Variants in DCBLD2 observed in about 807,000 individuals in gnomAD.
The protein encoded by DCBLD2 is discoidin, CUB and LCCL domain containing 2.
In DCBLD2, 54 loss-of-function variants were observed where a neutral mutation model predicts 86.8. The observed-to-expected ratio is 0.62, with a 90% CI of 0.50 to 0.78. DCBLD2 has a LOEUF of 0.78. Among genes scored for constraint, DCBLD2 ranks in the 30% least tolerant of loss-of-function variants. DCBLD2 has a pLI of 0.00. For missense variants in DCBLD2, 908 were observed against 954.2 expected, an observed-to-expected ratio of 0.95 and a Z score of 0.64; for synonymous variants, 354 against 341.3, an observed-to-expected ratio of 1.04 and a Z score of -0.41.
intron 3 of DCBLD2, among the ~76,000 whole-genome samples, chr3:98,839,196 C>A (rs796932992): frequency 7.2e-6 from 1 of 138,686 alleles, no homozygotes; most frequent in African/African-American, 2.8e-5. Flanking sequence ...TCCTTCCTTC[C>A]TTCCTTCCTT....
chr3:98,834,860 C>T (rs558361459), intron 3 of DCBLD2, among the ~76,000 whole-genome samples: 1,673 of 152,176 alleles, frequency 0.011, 11 homozygotes, highest in Non-Finnish European at 0.016. Flanking sequence ...CTGGAACTTC[C>T]TTTTTCAAAC....
chr3:98,861,710 G>A (rs1178155061), intron 2 of DCBLD2, among the ~76,000 whole-genome samples: 1 of 152,016 alleles, frequency 6.6e-6, no homozygotes, highest in East Asian at 1.9e-4. Flanking sequence ...CAGAATCTCT[G>A]GGACACATTT....
At chr3:98,873,013 G>A (rs1020827568) in intron 2 of DCBLD2, among the ~76,000 whole-genome samples, 2 of 152,060 alleles carry the variant, frequency 1.3e-5, no homozygotes, top group Non-Finnish European at 2.9e-5. Flanking sequence ...AAAGTGATGG[G>A]CACAGACAGA....
At chr3:98,863,670 C>A (rs971958128) in intron 2 of DCBLD2, among the ~76,000 whole-genome samples, 19 of 152,166 alleles carry the variant, frequency 1.2e-4, no homozygotes, top group Admixed American at 2.0e-4. Context: ...ATGTAGAAAG[C>A]TGAAACTGGA....
At position 98,817,884 on chromosome 3, in the gene DCBLD2, G is replaced by A. The variant is rs763627440; in HGVS notation, c.1097C>T (p.Thr366Ile). Residue 366 changes from threonine (T) to isoleucine (I), a missense_variant, in exon 9 of 16, where the codon ACC (threonine) becomes ATC (isoleucine). By Grantham distance (89) the Thr-to-Ile change is moderately conservative (BLOSUM62 -1). Coordinates refer to ENST00000326840, the MANE Select transcript of DCBLD2 (RefSeq NM_080927.4). ...NKEKKITGII[T>I]TGSTMVEHNY... ...GTGCTCCACCATGGTGGATCCAGTG[G>A]TTATAATGCCTGGGGAATGAAGAGT... 1 of 1,613,200 alleles carries A rather than the reference G, an allele frequency of 6.2e-7. No homozygotes were observed. Among genetic ancestry groups the A allele is most frequent in the Admixed American group, 1.7e-5 (1 of 59,966 alleles).
chr3:98,857,461 A>C (rs867788046), intron 2 of DCBLD2, among the ~76,000 whole-genome samples: 1 of 136,850 alleles, frequency 7.3e-6, no homozygotes, highest in East Asian at 2.0e-4. Flanking sequence ...TTTTACAGAG[A>C]GCCGACTGGT....
chr3:98,825,493 T>C, intron 3 of DCBLD2, 127 bp from the exon 4 acceptor site: 1 of 711,602 alleles, frequency 1.4e-6, no homozygotes, highest in Admixed American at 3.8e-5. Flanking sequence ...ACTGTCAAAG[T>C]GGTACTAAAA....
chr3:98,840,895 CA>C (rs748122429), intron 3 of DCBLD2, among the ~76,000 whole-genome samples: 16 of 152,294 alleles, frequency 1.1e-4, no homozygotes, highest in Non-Finnish European at 5.9e-5. Flanking sequence ...CACGAAGTAT[CA>C]CACATATGGT....
chr3:98,828,795 G>A (rs1942270049), intron 3 of DCBLD2, among the ~76,000 whole-genome samples: 1 of 151,956 alleles, frequency 6.6e-6, no homozygotes, highest in Non-Finnish European at 1.5e-5. Context: ...AACAAAATGG[G>A]GTGTATATAC....
At chr3:98,805,087 C>T (rs1207149619) in intron 13 of DCBLD2, 2 of 152,246 alleles carry the variant, frequency 1.3e-5, no homozygotes, top group Non-Finnish European at 2.9e-5. Context: ...GTGAGCACCA[C>T]AAATGTGGTT....
intron 2 of DCBLD2, among the ~76,000 whole-genome samples, chr3:98,853,855 A>G (rs1210711857): frequency 6.6e-6 from 1 of 152,242 alleles, no homozygotes; most frequent in African/African-American, 2.4e-5. Context: ...GCAACTTAGA[A>G]GGATGAACCA....
At chr3:98,849,242 AT>A in intron 3 of DCBLD2, 2 of 545,656 alleles carry the variant, frequency 3.7e-6, no homozygotes, top group Non-Finnish European at 6.4e-6. Flanking sequence ...TTTCAGCAGT[AT>A]TTCCTTTACT....
At position 98,841,340 on chromosome 3, in the gene DCBLD2, A is replaced by G. The variant is rs569855116; in HGVS notation, c.571+8121T>C. Among the ~76,000 whole-genome samples the G allele has an allele frequency of 2.0e-5, 3 of 152,360 alleles. No homozygotes were observed. In the South Asian group the frequency reaches 6.2e-4, roughly 32 times the overall value. On this transcript the variant is annotated intron_variant, in intron 3 of 15. Transcript: ENST00000326840. ...AACTTAGTTAGCTATATTATCTGCCATAACTGATATATACATTTAAAAAAA... is the reference window on the plus strand; with the variant it reads ...AACTTAGTTAGCTATATTATCTGCCGTAACTGATATATACATTTAAAAAAA...
At chr3:98,819,491 CTTTCTAT>C in intron 7 of DCBLD2, 74 bp from the exon 8 acceptor site, 2 of 1,464,904 alleles carry the variant, frequency 1.4e-6, no homozygotes, top group Non-Finnish European at 1.9e-6. Context: ...TCACTGAAAA[CTTTCTAT>C]TCCATCTTTA....
intron 4 of DCBLD2, among the ~76,000 whole-genome samples, chr3:98,824,861 C>T (rs990080137): frequency 3.9e-5 from 6 of 152,026 alleles, no homozygotes; most frequent in Non-Finnish European, 4.4e-5. Context: ...TGGCAGCCAG[C>T]AAACAGAAAT....
chr3:98,881,600 A>C lies in DCBLD2; in HGVS notation c.373T>G (p.Ser125Ala), dbSNP rs201076823. 200 of 1,613,820 alleles carry C rather than the reference A, an allele frequency of 1.2e-4. 1 individual carries two copies. The highest frequency in any genetic ancestry group is 2.8e-5 in the Non-Finnish European group (33 of 1,179,884). Residue 125 changes from serine (S) to alanine (A), a missense_variant, in exon 2 of 16, where the codon TCT becomes GCT. Ser to Ala is a moderately conservative substitution (Grantham distance 99). Coordinates refer to ENST00000326840, the MANE Select transcript of DCBLD2 (RefSeq NM_080927.4). ...ATTCTCAAGTAATTAAAGTGACAAGAATCAGAATCTTCAATGTCAAAGTCA... is the reference window on the plus strand; with the variant it reads ...ATTCTCAAGTAATTAAAGTGACAAGCATCAGAATCTTCAATGTCAAAGTCA... ...FGDFDIEDSD[S>A]CHFNYLRIYN... is the part of the protein sequence containing the mutation.
At chr3:98,891,807 A>G (rs1252652203) in intron 1 of DCBLD2, among the ~76,000 whole-genome samples, 1 of 152,060 alleles carries the variant, frequency 6.6e-6, no homozygotes, top group African/African-American at 2.4e-5. Context: ...TCCTCCTTTT[A>G]TCCACCTAGC....
chr3:98,867,335 A>G (rs1391118671), intron 2 of DCBLD2, among the ~76,000 whole-genome samples: 1 of 152,196 alleles, frequency 6.6e-6, no homozygotes, highest in African/African-American at 2.4e-5. Context: ...CTTCCTATCC[A>G]TGAGCATGGA....
intron 2 of DCBLD2, among the ~76,000 whole-genome samples, chr3:98,853,617 A>G (rs1028130344): frequency 6.6e-6 from 1 of 152,212 alleles, no homozygotes; most frequent in Admixed American, 6.5e-5. Flanking sequence ...TCTGATGTCC[A>G]CATCAACCAC....
Sources: gnomAD v4.1 joint callset for allele counts (sites outside exome capture counted in the v4.1 genomes callset) on GRCh38, gnomAD v4.1.1 for gene constraint, MANE v1.5 for transcripts, NCBI Gene and HGNC (gene_info 2026-07-23, HGNC 2026-07-21) for gene names.